The following FAM184A variants were observed in gnomAD, a reference collection of about 807,000 sequenced individuals.
The protein encoded by FAM184A is protein FAM184A.
In FAM184A, 99 loss-of-function variants were observed where a neutral mutation model predicts 143.8. That is an observed-to-expected ratio of 0.69 (90% CI 0.58 to 0.81). The LOEUF is 0.81. Among genes scored for constraint, FAM184A ranks in the 40% least tolerant of loss-of-function variants. The pLI, the probability that FAM184A is intolerant of heterozygous loss-of-function variation, is 0.00. For missense variants in FAM184A, 1,217 were observed against 1,310.5 expected, an observed-to-expected ratio of 0.93 and a Z score of 1.10; for synonymous variants, 427 against 446.4, an observed-to-expected ratio of 0.96 and a Z score of 0.55.
At chr6:118,976,460 C>T (rs548080865) in intron 11 of FAM184A, among the ~76,000 whole-genome samples, 3 of 151,852 alleles carry the variant, frequency 2.0e-5, no homozygotes, top group East Asian at 1.9e-4. Context: ...GTCAGGAGTT[C>T]GAGACCAGCC....
intron 1 of FAM184A, among the ~76,000 whole-genome samples, chr6:119,091,674 A>G (rs1562146706): frequency 6.6e-6 from 1 of 152,240 alleles, no homozygotes; most frequent in South Asian, 2.1e-4. Flanking sequence ...GGACAAACTC[A>G]TATTCAGAAC....
intron 1 of FAM184A, among the ~76,000 whole-genome samples, chr6:119,053,137 C>T (rs1484232302): frequency 6.6e-6 from 1 of 152,122 alleles, no homozygotes; most frequent in Non-Finnish European, 1.5e-5. Flanking sequence ...GACTGAAGAG[C>T]TATTTGGGTC....
chr6:119,012,709 T>C (rs996839611), intron 5 of FAM184A, among the ~76,000 whole-genome samples: 5 of 152,158 alleles, frequency 3.3e-5, no homozygotes, highest in African/African-American at 9.7e-5. Flanking sequence ...ATAAACCACA[T>C]TGGCTGTGTG....
In FAM184A at chr6:118,979,495, C is replaced by T; in HGVS notation, c.2325G>A (p.Gln775=). 6.2e-7 allele frequency: 1 copy of T among 1,611,446 alleles called. No homozygotes were observed. Among genetic ancestry groups the T allele is most frequent in the African/African-American group, 1.3e-5 (1 of 74,830 alleles). Residue 775 remains glutamine (Q), a synonymous_variant, in exon 11 of 18, where the codon CAG becomes CAA. Coordinates refer to ENST00000338891, the MANE Select transcript of FAM184A (RefSeq NM_024581.6). ...GTGATTGAAGCTCTGCAGAATGCTT[C>T]TGTTGTAAATGATTTTCAAGAGCCT... ...EQRALENHLQ[Q]KHSAELQSLK...
chr6:118,988,772 G>C (rs1449700042), intron 9 of FAM184A, among the ~76,000 whole-genome samples: 6 of 152,064 alleles, frequency 3.9e-5, no homozygotes, highest in Non-Finnish European at 7.4e-5. Flanking sequence ...GAAATTTTAT[G>C]TTGATACACC....
chr6:118,997,962 T>C (rs1784623970), intron 9 of FAM184A, among the ~76,000 whole-genome samples: 1 of 152,188 alleles, frequency 6.6e-6, no homozygotes, highest in African/African-American at 2.4e-5. Flanking sequence ...TTTCAACTGC[T>C]CTTGATAAAG....
At chr6:119,023,842 A>T in intron 2 of FAM184A, 117 bp downstream of exon 2, 10 of 589,672 alleles carry the variant, frequency 1.7e-5, no homozygotes, top group South Asian at 4.7e-5. Context: ...AAAAAAAAAA[A>T]GTCTAAGTGG....
chr6:119,065,340 T>C (rs531819714), intron 1 of FAM184A, among the ~76,000 whole-genome samples: 1 of 152,198 alleles, frequency 6.6e-6, no homozygotes, highest in South Asian at 2.1e-4. Flanking sequence ...CCTAGTCAAC[T>C]CTTTACAGAG....
At chr6:119,108,095 T>A (rs1403668281) in intron 1 of FAM184A, among the ~76,000 whole-genome samples, 1 of 147,676 alleles carries the variant, frequency 6.8e-6, no homozygotes, top group Admixed American at 6.8e-5. Flanking sequence ...CTTCACATAA[T>A]TCCCAAATTT....
chr6:119,127,026 T>C (rs537316568), intron 1 of FAM184A, among the ~76,000 whole-genome samples: 137 of 152,136 alleles, frequency 9.0e-4, no homozygotes, highest in Non-Finnish European at 8.1e-4. Context: ...CTCTGCCAGC[T>C]GGGTCAGGGG....
intron 1 of FAM184A, among the ~76,000 whole-genome samples, chr6:119,035,556 C>A (rs1786077705): frequency 6.6e-6 from 1 of 152,038 alleles, no homozygotes; most frequent in Admixed American, 6.6e-5. Flanking sequence ...GTGGAGAATC[C>A]CCCTCCCTTT....
chr6:119,040,733 C>T (rs1185513868), intron 1 of FAM184A, among the ~76,000 whole-genome samples: 2 of 152,158 alleles, frequency 1.3e-5, no homozygotes, highest in African/African-American at 4.8e-5. Flanking sequence ...TGTTATATCC[C>T]GGGGCTAAGT....
chr6:119,106,133 C>T (rs764724546), intron 1 of FAM184A, among the ~76,000 whole-genome samples: 9 of 152,300 alleles, frequency 5.9e-5, no homozygotes, highest in Middle Eastern at 6.8e-3. Context: ...TGGCTCATGC[C>T]TGTAATCCCA....
At chr6:118,977,709 T>C (rs1783888244) in intron 11 of FAM184A, among the ~76,000 whole-genome samples, 1 of 152,134 alleles carries the variant, frequency 6.6e-6, no homozygotes, top group South Asian at 2.1e-4. Context: ...ACTGGGAATA[T>C]AGGTGTGGCA....
At chr6:119,007,758 T>C (rs1784967553) in intron 6 of FAM184A, among the ~76,000 whole-genome samples, 1 of 152,108 alleles carries the variant, frequency 6.6e-6, no homozygotes, top group East Asian at 1.9e-4. Flanking sequence ...CTGGCCAACA[T>C]GGCGAAACCC....
intron 1 of FAM184A, among the ~76,000 whole-genome samples, chr6:119,123,321 G>T (rs1389985089): frequency 6.6e-6 from 1 of 152,008 alleles, no homozygotes; most frequent in Non-Finnish European, 1.5e-5. Context: ...ACTGGGAGGT[G>T]GAGGTTGCAG....
chr6:119,044,591 TA>T (rs71748144), intron 1 of FAM184A, among the ~76,000 whole-genome samples: 7,582 of 130,548 alleles, frequency 0.058, 259 homozygotes, highest in East Asian at 0.22. Flanking sequence ...TCTCTTTAAT[TA>T]AAAAAAAAAA....
chr6:118,997,678 A>G (rs1784615151), intron 9 of FAM184A, among the ~76,000 whole-genome samples: 1 of 152,100 alleles, frequency 6.6e-6, no homozygotes, highest in South Asian at 2.1e-4. Context: ...CCTGGGTGAC[A>G]CAGCAAGACT....
At chr6:119,015,530 C>T (rs984366951) in intron 5 of FAM184A, among the ~76,000 whole-genome samples, 6 of 152,190 alleles carry the variant, frequency 3.9e-5, no homozygotes, top group Non-Finnish European at 8.8e-5. Flanking sequence ...ATGCTGCACT[C>T]GATTTTTTGC....
Sources: allele counts gnomAD v4.1 joint callset (sites outside exome capture counted in the v4.1 genomes callset), GRCh38; gene constraint gnomAD v4.1.1; transcripts MANE v1.5; gene names NCBI Gene and HGNC (gene_info 2026-07-23, HGNC 2026-07-21).